KCNH1: variants seen among roughly 807,000 people sequenced by gnomAD.
KCNH1 encodes the protein potassium voltage-gated channel subfamily H member 1, also known as voltage-gated delayed rectifier potassium channel KCNH1.
KCNH1 carries 27 observed loss-of-function variants against 69.2 expected under a neutral mutation model. The observed-to-expected ratio is 0.39, with a 90% CI of 0.29 to 0.54. The LOEUF (loss-of-function observed/expected upper bound fraction) is 0.54, where lower values mean the gene tolerates loss of function less well. Ranked by LOEUF, KCNH1 falls within the 20% of genes least tolerant of loss-of-function variation. The probability of loss-of-function intolerance (pLI) is 0.68; values close to 1 mark genes in which losing one functional copy is unlikely to be tolerated. For synonymous variants in KCNH1, 456 were observed against 487.7 expected, an observed-to-expected ratio of 0.93 and a Z score of 0.86; for missense variants, 798 against 1,261.6, an observed-to-expected ratio of 0.63 and a Z score of 5.57.
intron 5 of KCNH1, among the ~76,000 whole-genome samples, chr1:211,067,804 G>A (rs1369070686): frequency 6.6e-6 from 1 of 152,186 alleles, no homozygotes; most frequent in Non-Finnish European, 1.5e-5. Flanking sequence ...AAACAGGATA[G>A]GTTGAGAGTC....
intron 10 of KCNH1, among the ~76,000 whole-genome samples, chr1:210,709,152 A>G (rs1273357395): frequency 1.3e-5 from 2 of 152,142 alleles, no homozygotes; most frequent in Non-Finnish European, 2.9e-5. Flanking sequence ...AGGAGGCTGA[A>G]GCAAAATAAT....
At chr1:210,879,689 A>G (rs1188145763) in intron 7 of KCNH1, among the ~76,000 whole-genome samples, 2 of 152,146 alleles carry the variant, frequency 1.3e-5, no homozygotes, top group Admixed American at 1.3e-4. Context: ...TCCCACTAAC[A>G]TTAGGAACAA....
At chr1:210,963,552 T>C (rs571938740) in intron 6 of KCNH1, among the ~76,000 whole-genome samples, 12 of 152,098 alleles carry the variant, frequency 7.9e-5, no homozygotes, top group African/African-American at 2.9e-4. Flanking sequence ...AAATGGTTAG[T>C]AGAGGAATTG....
intron 7 of KCNH1, among the ~76,000 whole-genome samples, chr1:210,907,167 T>C (rs897564441): frequency 2.0e-5 from 3 of 152,148 alleles, no homozygotes; most frequent in Non-Finnish European, 2.9e-5. Flanking sequence ...CTTACTTATA[T>C]GAGAGGTCCC....
chr1:210,890,757 G>C (rs986147968), intron 7 of KCNH1, among the ~76,000 whole-genome samples: 1 of 151,926 alleles, frequency 6.6e-6, no homozygotes, highest in African/African-American at 2.4e-5. Flanking sequence ...ATAAAAGGAA[G>C]ACATTTATGC....
chr1:211,075,150 G>T (rs150124933), intron 5 of KCNH1, among the ~76,000 whole-genome samples: 64 of 152,280 alleles, frequency 4.2e-4, no homozygotes, highest in African/African-American at 1.4e-3. Flanking sequence ...AAGCAGCAGA[G>T]AAAGTACAGG....
chr1:210,699,084 C>T (rs903426534), intron 10 of KCNH1, among the ~76,000 whole-genome samples: 1 of 152,226 alleles, frequency 6.6e-6, no homozygotes, highest in African/African-American at 2.4e-5. Flanking sequence ...GGACCTTCTG[C>T]TCCCCAAGTG....
chr1:211,117,681 G>A (rs1691605989), intron 1 of KCNH1, among the ~76,000 whole-genome samples: 1 of 152,178 alleles, frequency 6.6e-6, no homozygotes, highest in Admixed American at 6.5e-5. Context: ...AGCACCATTT[G>A]TGAGAAGAAA....
At chr1:210,698,006 G>A (rs1433435114) in intron 10 of KCNH1, among the ~76,000 whole-genome samples, 4 of 152,202 alleles carry the variant, frequency 2.6e-5, no homozygotes, top group African/African-American at 4.8e-5. Flanking sequence ...TAGCCAGTTT[G>A]TGGATTGCTT....
rs1398048540 is a variant in KCNH1 at position 210,952,640 on chromosome 1, A to C, written c.1033-32571T>G. Among the ~76,000 whole-genome samples, 4 of 151,690 alleles carry C rather than the reference A, an allele frequency of 2.6e-5. No homozygotes were observed. In the East Asian group the frequency reaches 7.7e-4, roughly 29 times the overall value. ...ACTACTCCATGGCTCCCAAAAGTCCACTCTAACTTTGGATATTGTGGATCA... is the reference window on the plus strand; with the variant it reads ...ACTACTCCATGGCTCCCAAAAGTCCCCTCTAACTTTGGATATTGTGGATCA... On this transcript the variant is annotated intron_variant, in intron 6 of 10. Transcript: ENST00000271751.
intron 5 of KCNH1, among the ~76,000 whole-genome samples, chr1:211,048,903 G>C (rs1386206045): frequency 1.3e-5 from 2 of 152,156 alleles, no homozygotes; most frequent in Non-Finnish European, 2.9e-5. Flanking sequence ...TTCCGGATGA[G>C]AATCAGGAAG....
chr1:210,852,560 C>G (rs1188507927), intron 7 of KCNH1, among the ~76,000 whole-genome samples: 1 of 152,046 alleles, frequency 6.6e-6, no homozygotes, highest in African/African-American at 2.4e-5. Flanking sequence ...TTTTAAAGAG[C>G]CCCTTGTCCT....
intron 6 of KCNH1, among the ~76,000 whole-genome samples, chr1:210,928,824 C>T (rs1162398172): frequency 1.3e-5 from 2 of 152,066 alleles, no homozygotes; most frequent in Non-Finnish European, 2.9e-5. Flanking sequence ...TCCAAATAAA[C>T]TCAATTACAA....
intron 7 of KCNH1, among the ~76,000 whole-genome samples, chr1:210,904,835 G>A (rs1049963096): frequency 6.6e-6 from 1 of 152,168 alleles, no homozygotes; most frequent in Non-Finnish European, 1.5e-5. Flanking sequence ...CAATGAAATA[G>A]AGCCATTACC....
intron 3 of KCNH1, among the ~76,000 whole-genome samples, chr1:211,095,935 G>A (rs1691141295): frequency 1.3e-5 from 2 of 152,152 alleles, no homozygotes; most frequent in South Asian, 4.1e-4. Context: ...GGCCGCATCA[G>A]TTTAACTTCT....
In KCNH1 at chr1:210,684,018, G is replaced by A. The variant is rs1385878367; in HGVS notation, c.2233C>T (p.Arg745Ter). The A allele has an allele frequency of 4.4e-6, 7 of 1,593,016 alleles. No homozygotes were observed. The highest frequency in any genetic ancestry group is 5.1e-6 in the Non-Finnish European group (6 of 1,166,090). ...GCCAGCCTGGCCTCTTTCTGCTGTC[G>A]GAATCTCTGGAAGAGGCGCCGGACA... The part of the protein sequence containing the change: ...HPVRRLFQRF[R>*]QQKEARLAAE... The change falls in exon 11 of 11, where the codon CGA (arginine) becomes TGA (stop). Residue 745 changes from arginine to a stop codon, truncating the protein, a stop_gained. Coordinates refer to ENST00000271751, the MANE Select transcript of KCNH1 (RefSeq NM_172362.3). LOFTEE classifies it low-confidence loss of function (END_TRUNC).
chr1:210,859,163 AAAGAGAT>A, intron 7 of KCNH1: 1 of 1,484,636 alleles, frequency 6.7e-7, no homozygotes, highest in Non-Finnish European at 9.4e-7. Flanking sequence ...AGTAGGAAAG[AAAGAGAT>A]AACTCAATTC....
chr1:210,814,733 C>G (rs1353832883), intron 7 of KCNH1, among the ~76,000 whole-genome samples: 1 of 152,168 alleles, frequency 6.6e-6, no homozygotes, highest in East Asian at 1.9e-4. Context: ...CTGGATGGAA[C>G]AGATTCACAG....
chr1:210,860,629 G>A (rs777096863), intron 7 of KCNH1: 20 of 796,514 alleles, frequency 2.5e-5, no homozygotes, highest in African/African-American at 5.1e-5. Context: ...TTCTGTTTCT[G>A]TTATAATATG....
Sources: allele counts gnomAD v4.1 joint callset (sites outside exome capture counted in the v4.1 genomes callset), GRCh38; gene constraint gnomAD v4.1.1; transcripts MANE v1.5; gene names NCBI Gene and HGNC (gene_info 2026-07-23, HGNC 2026-07-21).